Variants in TBC1D16 observed in about 807,000 individuals in gnomAD.
The protein encoded by TBC1D16 is TBC1 domain family member 16.
TBC1D16 carries 58 observed loss-of-function variants against 74.7 expected under a neutral mutation model. The ratio of observed to expected loss-of-function variants is 0.78; its 90% CI spans 0.63 to 0.97. TBC1D16 has a LOEUF of 0.97. TBC1D16 is among the 50% of genes least tolerant of loss of function. The probability of loss-of-function intolerance (pLI) is 0.00; values close to 1 mark genes in which losing one functional copy is unlikely to be tolerated. For missense variants in TBC1D16, 1,014 were observed against 1,079.5 expected, an observed-to-expected ratio of 0.94 and a Z score of 0.85; for synonymous variants, 493 against 474.7, an observed-to-expected ratio of 1.04 and a Z score of -0.50.
At chr17:80,026,883 G>A (rs1270419237) in intron 1 of TBC1D16, among the ~76,000 whole-genome samples, 1 of 149,394 alleles carries the variant, frequency 6.7e-6, no homozygotes. Flanking sequence ...GGACATCCAG[G>A]TTCCCTTCTG....
chr17:80,013,613 G>C lies in TBC1D16; in HGVS notation c.-62-4C>G. The C allele has an allele frequency of 1.4e-6, 2 of 1,429,508 alleles. No individual in the cohort carries two copies. The highest frequency in any genetic ancestry group is 2.8e-5 in the Admixed American group (1 of 35,290). 88.6% of individuals were successfully genotyped at this position (1,429,508 alleles called of 1,614,324 possible). A position where few individuals can be genotyped will look rare whatever the true frequency, so the allele number is the denominator to read the frequency against. On this transcript the variant is annotated splice_polypyrimidine_tract_variant and splice_region_variant and intron_variant, in intron 1 of 11. Coordinates refer to ENST00000310924, the MANE Select transcript of TBC1D16 (RefSeq NM_019020.4). ...GGCAGGGCTCGTCAAGACCTGCCTGGGGGAGGAAGAGAGAGGAGATGGTCA... is the reference window on the plus strand; with the variant it reads ...GGCAGGGCTCGTCAAGACCTGCCTGCGGGAGGAAGAGAGAGGAGATGGTCA...
intron 2 of TBC1D16, among the ~76,000 whole-genome samples, chr17:80,012,829 T>C (rs1399205164): frequency 6.6e-6 from 1 of 152,172 alleles, no homozygotes; most frequent in East Asian, 1.9e-4. Flanking sequence ...ACTGGGGCCC[T>C]GAAACATCCT....
At chr17:79,959,728 G>A (rs1419601541) in intron 3 of TBC1D16, among the ~76,000 whole-genome samples, 1 of 152,088 alleles carries the variant, frequency 6.6e-6, no homozygotes, top group Non-Finnish European at 1.5e-5. Flanking sequence ...AACGGATCAC[G>A]GACCTAGATG....
rs548860958 is a variant in TBC1D16, at chr17:79,949,298, C to T, written c.1407-292G>A. On this transcript the variant is annotated intron_variant, in intron 7 of 11. Coordinates refer to ENST00000310924, the MANE Select transcript of TBC1D16 (RefSeq NM_019020.4). ...CCTGGCCCAGCGTTCTGGAGGGGAG[C>T]TGAGCACAGCCCAGGGGCTTCACCC... 9.2e-5 allele frequency among the ~76,000 whole-genome samples: 14 copies of T among 152,360 alleles called. No homozygotes were observed. The South Asian group carries it at 2.9e-3, about 32-fold the overall frequency.
chr17:79,951,704 G>C, intron 4 of TBC1D16, 107 bp from the exon 5 acceptor site: 2 of 1,325,436 alleles, frequency 1.5e-6, no homozygotes, highest in East Asian at 2.5e-5. Context: ...TCAGAAGCAG[G>C]AAACAGTGAG....
intron 1 of TBC1D16, among the ~76,000 whole-genome samples, chr17:80,017,767 G>A (rs2036144207): frequency 6.6e-6 from 1 of 151,836 alleles, no homozygotes; most frequent in Admixed American, 6.6e-5. Flanking sequence ...TGGCCTGTGG[G>A]TTGCAGATGG....
At position 80,022,187 on chromosome 17, in the gene TBC1D16, G is replaced by A. The variant is rs376918480; in HGVS notation, c.-62-8578C>T. 4.3e-4 allele frequency among the ~76,000 whole-genome samples: 65 copies of A among 149,594 alleles called. 8 individuals are homozygous for A. Among genetic ancestry groups the A allele is most frequent in the African/African-American group, 1.5e-3 (58 of 39,098 alleles). ...TTCAAAGCATATATTTACCTGAAAG[G>A]GACTCACATGTTAACTAAAGTATCG... On this transcript the variant is annotated intron_variant, in intron 1 of 11. Transcript: ENST00000310924.
rs1401823658 is a variant in TBC1D16 at position 79,949,771 on chromosome 17, C to G, written c.1352G>C (p.Arg451Pro). 2 of 1,613,650 alleles carry G rather than the reference C, an allele frequency of 1.2e-6. No individual in the cohort carries two copies. Among genetic ancestry groups the G allele is most frequent in the East Asian group, 2.2e-5 (1 of 44,866 alleles). Residue 451 changes from arginine (R) to proline (P), a missense_variant, in exon 7 of 12, where the codon CGG (arginine) becomes CCG (proline). Transcript: ENST00000310924. The part of the protein sequence containing the change: ...YYSHESTSEE[R>P]EALRLQKRKE... ...TCGCTTCTGCAGCCGCAGCGCCTCC[C>G]GCTCCTCCGACGTGGACTCGTGGCT... is the stretch of plus-strand genomic sequence containing the variant.
In TBC1D16 at chr17:79,961,475, T is replaced by C. The variant is rs552406387; in HGVS notation, c.780-8657A>G. On this transcript the variant is annotated intron_variant, in intron 3 of 11. Transcript: ENST00000310924. The surrounding 1 kb of genome is among the most constrained non-coding windows in gnomAD (Gnocchi z 4.8). ...AATTAAACACATGCCTGTTTCCAGT[T>C]ATTCCATTCCCAAGTATTTACCAAG... 6.6e-6 allele frequency among the ~76,000 whole-genome samples: 1 copy of C among 152,366 alleles called. No homozygotes were observed. The highest frequency in any genetic ancestry group is 2.4e-5 in the African/African-American group (1 of 41,588).
chr17:79,948,944 T>G lies in TBC1D16; in HGVS notation c.1469A>C (p.Lys490Thr). 1 of 1,614,156 alleles carries G rather than the reference T, an allele frequency of 6.2e-7. No individual in the cohort carries two copies. The highest frequency in any genetic ancestry group is 1.1e-5 in the South Asian group (1 of 91,088). The change falls in exon 8 of 12, where the codon AAA (lysine) becomes ACA (threonine). Residue 490 changes from lysine (K) to threonine (T), a missense_variant. Transcript: ENST00000310924. ...FWRNVQFTVD[K>T]DVVRTDRNNQ... ...GTTCCGATCTGTCCGGACCACGTCTTTGTCCACAGTGAACTGCACATTACG... is the reference window on the plus strand; with the variant it reads ...GTTCCGATCTGTCCGGACCACGTCTGTGTCCACAGTGAACTGCACATTACG...
rs892676629 is a variant in TBC1D16 at position 80,035,739 on chromosome 17, CGCGGTGG to C, written c.-63+49_-63+55del. 3 of 147,364 alleles carry C rather than the reference CGCGGTGG, an allele frequency of 2.0e-5. No homozygotes were observed. The highest frequency in any genetic ancestry group is 7.3e-5 in the African/African-American group (3 of 40,976). 9.1% of individuals were successfully genotyped at this position (147,364 alleles called of 1,614,324 possible). A position where few individuals can be genotyped will look rare whatever the true frequency, so the allele number is the denominator to read the frequency against. ...TCCGCCGAGGGGGCGCTGCTCGCTG[CGCGGTGG>C]ACCCCTCGGACCCCGCCCCCGCGGC... On this transcript the variant is annotated intron_variant, in intron 1 of 11. Coordinates refer to ENST00000310924, the MANE Select transcript of TBC1D16 (RefSeq NM_019020.4). This position sits in a 1 kb window ranked among gnomAD's most constrained non-coding sequence, Gnocchi z 5.3.
Position 80,017,680 on chromosome 17 carries a change from CAAAAAAAAAAAA to C in TBC1D16, c.-62-4083_-62-4072del, listed in dbSNP as rs57336950. On this transcript the variant is annotated intron_variant, in intron 1 of 11. Coordinates refer to ENST00000310924, the MANE Select transcript of TBC1D16 (RefSeq NM_019020.4). The stretch of plus-strand genomic sequence containing the variant: ...TGGGCGACAGAGCAAGACTCCATCT[CAAAAAAAAAAAA>C]AAAAAAAAAAAGTAAAAACCATCCT... Among the ~76,000 whole-genome samples the C allele has an allele frequency of 1.2e-4, 10 of 84,824 alleles. No homozygotes were observed. In the South Asian group the frequency reaches 2.5e-3, roughly 22 times the overall value. The allele number at this position is 84,824 out of a possible 152,430, so 55.6% of individuals were successfully genotyped here.
At chr17:80,011,207 ATTTTTTT>A (rs34838808) in intron 2 of TBC1D16, among the ~76,000 whole-genome samples, 2 of 131,632 alleles carry the variant, frequency 1.5e-5, no homozygotes, top group African/African-American at 2.8e-5. Context: ...CACCCAGCTA[ATTTTTTT>A]TTTTTTTTTT....
rs1415187788 is a variant in TBC1D16, at chr17:79,985,570, T to A, written c.779+24590A>T. 6.6e-6 allele frequency among the ~76,000 whole-genome samples: 1 copy of A among 152,182 alleles called. No individual in the cohort carries two copies. The highest frequency in any genetic ancestry group is 1.5e-5 in the Non-Finnish European group (1 of 68,030). On this transcript the variant is annotated intron_variant, in intron 3 of 11. Coordinates refer to ENST00000310924, the MANE Select transcript of TBC1D16 (RefSeq NM_019020.4). This position sits in a 1 kb window ranked among gnomAD's most constrained non-coding sequence, Gnocchi z 4.9. The stretch of plus-strand genomic sequence containing the variant: ...GCGGGCACTGGCCTGGCACTCACGC[T>A]CGGGGTGGGGGGCATCCCAGGCCCT...
rs187886749 is a variant in TBC1D16 at position 79,952,547 on chromosome 17, T to C, written c.941+110A>G. 4.5e-4 allele frequency: 616 copies of C among 1,379,236 alleles called. 3 individuals are homozygous for C. The African/African-American group carries it at 4.9e-3, about 11-fold the overall frequency. 85.4% of individuals were successfully genotyped at this position (1,379,236 alleles called of 1,614,324 possible). A position where few individuals can be genotyped will look rare whatever the true frequency, so the allele number is the denominator to read the frequency against. ...AAAGCAGACGCTTGGGAAGACTCCA[T>C]CCAGGGCCCTGTGTCCCCAAGCCGT... On this transcript the variant is annotated intron_variant, in intron 4 of 11. Transcript: ENST00000310924.
In TBC1D16 at chr17:79,938,035, T is replaced by C. The variant is rs1197122552; in HGVS notation, c.*2824A>G. 1 of 152,006 alleles carries C rather than the reference T, an allele frequency of 6.6e-6. No individual in the cohort carries two copies. Among genetic ancestry groups the C allele is most frequent in the East Asian group, 1.9e-4 (1 of 5,202 alleles). 9.4% of individuals were successfully genotyped at this position (152,006 alleles called of 1,614,324 possible). Reference sequence around the variant, plus strand: ...TGGCCGTGCAGGGCTGATTATCCCCTATTTGCACGTTCTGGCGGTGGGAAG... The same window carrying C: ...TGGCCGTGCAGGGCTGATTATCCCCCATTTGCACGTTCTGGCGGTGGGAAG... On this transcript the variant is annotated 3_prime_UTR_variant, in exon 12 of 12. Coordinates refer to ENST00000310924, the MANE Select transcript of TBC1D16 (RefSeq NM_019020.4).
chr17:79,979,612 A>T lies in TBC1D16; in HGVS notation c.780-26794T>A, dbSNP rs1268235568. Among the ~76,000 whole-genome samples, 1 of 152,054 alleles carries T rather than the reference A, an allele frequency of 6.6e-6. No homozygotes were observed. Among genetic ancestry groups the T allele is most frequent in the Non-Finnish European group, 1.5e-5 (1 of 68,026 alleles). Reference sequence around the variant, plus strand: ...ACGGTTCCTGTCGCAGGTCCAGGTTATTCGGTGCCATAAAAAGGCACACGT... The same window carrying T: ...ACGGTTCCTGTCGCAGGTCCAGGTTTTTCGGTGCCATAAAAAGGCACACGT... On this transcript the variant is annotated intron_variant, in intron 3 of 11. Coordinates refer to ENST00000310924, the MANE Select transcript of TBC1D16 (RefSeq NM_019020.4). The surrounding 1 kb of genome is among the most constrained non-coding windows in gnomAD (Gnocchi z 4.8).
chr17:80,006,625 C>T (rs1027822986), intron 3 of TBC1D16, among the ~76,000 whole-genome samples: 1 of 152,070 alleles, frequency 6.6e-6, no homozygotes, highest in South Asian at 2.1e-4. Context: ...TCGCCCAGCC[C>T]CTTTCAGAAT....
rs769562909 is a variant in TBC1D16, at chr17:79,975,139, A to G, written c.780-22321T>C. Among the ~76,000 whole-genome samples the G allele has an allele frequency of 3.3e-5, 5 of 151,832 alleles. No homozygotes were observed. The highest frequency in any genetic ancestry group is 5.9e-5 in the Non-Finnish European group (4 of 67,946). ...CCGGAACAATCCGCCAGGCCGCGTCACTCCTCACCCTCCAGCAGGGCTTTG... is the reference window on the plus strand; with the variant it reads ...CCGGAACAATCCGCCAGGCCGCGTCGCTCCTCACCCTCCAGCAGGGCTTTG... On this transcript the variant is annotated intron_variant, in intron 3 of 11. Transcript: ENST00000310924. The surrounding 1 kb of genome is among the most constrained non-coding windows in gnomAD (Gnocchi z 4.5).
Sources: allele counts gnomAD v4.1 joint callset (sites outside exome capture counted in the v4.1 genomes callset), GRCh38; gene constraint gnomAD v4.1.1; non-coding constraint Gnocchi (gnomAD v3.1); transcripts MANE v1.5; gene names NCBI Gene and HGNC (gene_info 2026-07-23, HGNC 2026-07-21).